The following L3MBTL4 variants were observed in gnomAD, a reference collection of about 807,000 sequenced individuals.
The protein encoded by L3MBTL4 is lethal(3)malignant brain tumor-like protein 4.
L3MBTL4 carries 70 observed loss-of-function variants against 84.5 expected under a neutral mutation model. The ratio of observed to expected loss-of-function variants is 0.83; its 90% CI spans 0.68 to 1.01. The LOEUF (loss-of-function observed/expected upper bound fraction) is 1.01. Among genes scored for constraint, L3MBTL4 ranks in the 50% least tolerant of loss-of-function variants. The pLI, the probability that L3MBTL4 is intolerant of heterozygous loss-of-function variation, is 0.00. For synonymous variants in L3MBTL4, 274 were observed against 259.8 expected, an observed-to-expected ratio of 1.05 and a Z score of -0.52; for missense variants, 715 against 754.8, an observed-to-expected ratio of 0.95 and a Z score of 0.62.
Position 6,257,307 on chromosome 18 carries a change from C to G in L3MBTL4, c.219+6640G>C, listed in dbSNP as rs560083640. Among the ~76,000 whole-genome samples, 4 of 151,898 alleles carry G rather than the reference C, an allele frequency of 2.6e-5. No individual in the cohort carries two copies. The East Asian group carries it at 7.8e-4, about 30-fold the overall frequency. ...GGAACTAAAACAAGAAGAAAGAAAC[C>G]CAAGTCAGGCTTCCAGGAGATCACA... On this transcript the variant is annotated intron_variant, in intron 5 of 18. Coordinates refer to ENST00000317931, the MANE Select transcript of L3MBTL4 (RefSeq NM_001330559.2).
At chr18:6,406,977 A>G (rs1568617467) in intron 1 of L3MBTL4, among the ~76,000 whole-genome samples, 1 of 152,224 alleles carries the variant, frequency 6.6e-6, no homozygotes, top group Non-Finnish European at 1.5e-5. Context: ...AGCAGTGCCT[A>G]CTAACCTCAC....
chr18:6,317,799 C>A (rs537389199), intron 1 of L3MBTL4, among the ~76,000 whole-genome samples: 46 of 152,232 alleles, frequency 3.0e-4, no homozygotes, highest in Non-Finnish European at 5.9e-4. Flanking sequence ...GGTATATAGT[C>A]ATCAAGCTAT....
At chr18:6,171,378 A>C (rs113248343) in intron 13 of L3MBTL4, among the ~76,000 whole-genome samples, 1 of 152,248 alleles carries the variant, frequency 6.6e-6, no homozygotes, top group African/African-American at 2.4e-5. Flanking sequence ...AGATGCGAGT[A>C]AAGTAGAGGA....
chr18:6,380,257 CA>C (rs1281459734), intron 1 of L3MBTL4, among the ~76,000 whole-genome samples: 5 of 152,040 alleles, frequency 3.3e-5, no homozygotes, highest in Non-Finnish European at 7.4e-5. Context: ...TTGATCTTTT[CA>C]AAAAACCAAC....
At chr18:6,196,218 CAT>C (rs1296848252) in intron 12 of L3MBTL4, among the ~76,000 whole-genome samples, 2 of 147,002 alleles carry the variant, frequency 1.4e-5, no homozygotes, top group Non-Finnish European at 3.0e-5. Context: ...ACTGCAGTGG[CAT>C]GATCTCAGCT....
chr18:6,353,447 GT>G (rs1312419561), intron 1 of L3MBTL4, among the ~76,000 whole-genome samples: 11 of 152,192 alleles, frequency 7.2e-5, no homozygotes, highest in Admixed American at 5.9e-4. Flanking sequence ...TCAGTGATAT[GT>G]TTTTAAAATG....
At chr18:6,053,279 A>C (rs1419849158) in intron 16 of L3MBTL4, among the ~76,000 whole-genome samples, 1 of 152,248 alleles carries the variant, frequency 6.6e-6, no homozygotes, top group Non-Finnish European at 1.5e-5. Context: ...AAATTCACTC[A>C]GTACTGAGTT....
intron 16 of L3MBTL4, among the ~76,000 whole-genome samples, chr18:6,056,190 G>T (rs938325416): frequency 2.6e-5 from 4 of 152,064 alleles, no homozygotes; most frequent in East Asian, 1.9e-4. Flanking sequence ...AAGCAGAAAG[G>T]CATTCTTCTT....
At chr18:6,230,924 TG>T (rs2046974604) in intron 10 of L3MBTL4, among the ~76,000 whole-genome samples, 1 of 152,196 alleles carries the variant, frequency 6.6e-6, no homozygotes, top group African/African-American at 2.4e-5. Context: ...ACTTTTTTAA[TG>T]GGGTTGTTTG....
chr18:6,323,189 T>C (rs1251480720), intron 1 of L3MBTL4, among the ~76,000 whole-genome samples: 1 of 152,190 alleles, frequency 6.6e-6, no homozygotes, highest in Non-Finnish European at 1.5e-5. Context: ...ACCTCTTTTC[T>C]TAATAAATTA....
chr18:6,283,797 G>T (rs1056396760), intron 4 of L3MBTL4, among the ~76,000 whole-genome samples: 6 of 152,218 alleles, frequency 3.9e-5, no homozygotes, highest in Non-Finnish European at 7.3e-5. Context: ...CTTGTTGAAA[G>T]CCACAACATG....
intron 14 of L3MBTL4, among the ~76,000 whole-genome samples, chr18:6,113,914 T>C (rs2059275588): frequency 1.1e-4 from 16 of 152,200 alleles, no homozygotes; most frequent in Admixed American, 1.0e-3. Flanking sequence ...ATCACTGATG[T>C]TTGTCCACAG....
chr18:6,228,430 C>A lies in L3MBTL4; in HGVS notation c.784+9534G>T, dbSNP rs553027341. Among the ~76,000 whole-genome samples, 7 of 151,978 alleles carry A rather than the reference C, an allele frequency of 4.6e-5. No homozygotes were observed. In the South Asian group the frequency reaches 1.0e-3, roughly 23 times the overall value. ...AAATTTTTAAAATCTGCTTTTTGAA[C>A]AATATTGTTCAGAAAATGAAAAGAT... On this transcript the variant is annotated intron_variant, in intron 10 of 18. Transcript: ENST00000317931.
chr18:6,372,394 T>C (rs1258842079), intron 1 of L3MBTL4, among the ~76,000 whole-genome samples: 1 of 152,216 alleles, frequency 6.6e-6, no homozygotes. Flanking sequence ...AGGAGTCTTG[T>C]GTCCTCTGCC....
intron 13 of L3MBTL4, among the ~76,000 whole-genome samples, chr18:6,156,861 T>C (rs1279198216): frequency 2.0e-5 from 3 of 152,200 alleles, no homozygotes; most frequent in Non-Finnish European, 4.4e-5. Flanking sequence ...CCACACTGCA[T>C]CGCAACTGTG....
At chr18:6,040,163 T>C (rs2056336480) in intron 16 of L3MBTL4, among the ~76,000 whole-genome samples, 1 of 152,176 alleles carries the variant, frequency 6.6e-6, no homozygotes, top group African/African-American at 2.4e-5. Context: ...TTTTGAATTG[T>C]AGTTCATTTT....
intron 1 of L3MBTL4, among the ~76,000 whole-genome samples, chr18:6,382,635 C>T (rs1449886369): frequency 6.6e-6 from 1 of 152,206 alleles, no homozygotes; most frequent in Non-Finnish European, 1.5e-5. Flanking sequence ...TGGGTATCAC[C>T]AGCAGAGGCT....
chr18:6,071,749 G>GAAAGAAAA (rs1232722255), intron 16 of L3MBTL4, among the ~76,000 whole-genome samples: 4 of 60,262 alleles, frequency 6.6e-5, no homozygotes, highest in African/African-American at 2.0e-4. Flanking sequence ...AGGAAGGAAA[G>GAAAGAAAA]AAAGAAAGAA....
chr18:5,958,075 A>C (rs1339063719), intron 18 of L3MBTL4, among the ~76,000 whole-genome samples: 28 of 45,416 alleles, frequency 6.2e-4, no homozygotes, highest in Non-Finnish European at 7.5e-4. Context: ...AAGAAGAAGA[A>C]GAAGAAGAAG....
Sources: gnomAD v4.1 joint callset for allele counts (sites outside exome capture counted in the v4.1 genomes callset) on GRCh38, gnomAD v4.1.1 for gene constraint, MANE v1.5 for transcripts, NCBI Gene and HGNC (gene_info 2026-07-23, HGNC 2026-07-21) for gene names.